Variants in SNX29 observed in about 807,000 individuals in gnomAD.
SNX29 encodes sorting nexin-29.
SNX29 carries 78 observed loss-of-function variants against 102.1 expected under a neutral mutation model. The observed-to-expected ratio is 0.76, with a 90% confidence interval of 0.64 to 0.92. SNX29 has a LOEUF of 0.92. Ranked by LOEUF, SNX29 falls within the 40% of genes least tolerant of loss-of-function variation. The pLI is 0.00. For missense variants in SNX29, 1,280 were observed against 1,061.7 expected (o/e 1.21, Z -2.86); for synonymous variants, 580 against 414.5 (o/e 1.40, Z -4.85).
intron 13 of SNX29, among the ~76,000 whole-genome samples, chr16:12,192,526 T>G (rs2076668629): frequency 6.6e-6 from 1 of 152,118 alleles, no homozygotes; most frequent in Non-Finnish European, 1.5e-5. Context: ...ATTTTTTTGT[T>G]TGTGAATTGC....
intron 18 of SNX29, among the ~76,000 whole-genome samples, chr16:12,448,645 C>T (rs576062579): frequency 2.3e-4 from 35 of 152,254 alleles, no homozygotes; most frequent in African/African-American, 8.2e-4. Context: ...CTCTTGCCCT[C>T]ATTGTTGGCT....
chr16:12,422,016 G>A (rs117750387), intron 18 of SNX29, among the ~76,000 whole-genome samples: 1 of 151,904 alleles, frequency 6.6e-6, no homozygotes, highest in Non-Finnish European at 1.5e-5. Flanking sequence ...CCCTTTCATC[G>A]TCAGCCATCC....
chr16:12,021,667 C>T (rs766472431), intron 3 of SNX29, among the ~76,000 whole-genome samples: 1 of 151,966 alleles, frequency 6.6e-6, no homozygotes, highest in Non-Finnish European at 1.5e-5. Context: ...GTAGGCGGAT[C>T]ACTTGAGGTC....
intron 18 of SNX29, among the ~76,000 whole-genome samples, chr16:12,434,092 T>C (rs2085427739): frequency 6.6e-6 from 1 of 152,206 alleles, no homozygotes; most frequent in African/African-American, 2.4e-5. Flanking sequence ...GGGTGGTGTT[T>C]ATTTCATGCC....
intron 4 of SNX29, among the ~76,000 whole-genome samples, chr16:12,036,277 T>C (rs1265871098): frequency 1.3e-5 from 2 of 151,532 alleles, no homozygotes; most frequent in African/African-American, 2.4e-5. Context: ...TTTTTAGAGA[T>C]GGGTTCTTAC....
chr16:12,406,918 GAAAGAAAATGA>G (rs898107265), intron 18 of SNX29, among the ~76,000 whole-genome samples: 1 of 152,142 alleles, frequency 6.6e-6, no homozygotes, highest in Non-Finnish European at 1.5e-5. Context: ...CAAAAAGAAA[GAAAGAAAATGA>G]AAGATTCGGC....
At chr16:12,399,315 G>T (rs1469597038) in intron 17 of SNX29, among the ~76,000 whole-genome samples, 3 of 152,178 alleles carry the variant, frequency 2.0e-5, no homozygotes, top group African/African-American at 4.8e-5. Flanking sequence ...GCCTCCCAAA[G>T]TGCTGGGATT....
intron 8 of SNX29, among the ~76,000 whole-genome samples, chr16:12,056,169 T>G (rs2050513542): frequency 6.6e-6 from 1 of 152,198 alleles, no homozygotes; most frequent in Non-Finnish European, 1.5e-5. Context: ...GGCATGAGCC[T>G]CTGCACCTGG....
intron 18 of SNX29, among the ~76,000 whole-genome samples, chr16:12,428,977 G>A (rs1017757707): frequency 2.7e-5 from 4 of 148,990 alleles, no homozygotes; most frequent in African/African-American, 5.0e-5. Context: ...ATACGATTGC[G>A]ATTAATAGTT....
intron 19 of SNX29, among the ~76,000 whole-genome samples, chr16:12,520,526 A>G (rs530983046): frequency 1.3e-5 from 2 of 152,326 alleles, no homozygotes; most frequent in Admixed American, 1.3e-4. Flanking sequence ...GGGCAGGGAA[A>G]TCTCTGAGAA....
intron 11 of SNX29, among the ~76,000 whole-genome samples, chr16:12,104,624 C>A (rs189468911): frequency 2.6e-4 from 40 of 151,436 alleles, no homozygotes; most frequent in African/African-American, 7.0e-4. Context: ...TTTTCTTTGA[C>A]CTTCAGGTTC....
chr16:12,160,328 C>G (rs1442981151), intron 13 of SNX29, among the ~76,000 whole-genome samples: 3 of 152,234 alleles, frequency 2.0e-5, no homozygotes, highest in Admixed American at 1.3e-4. Flanking sequence ...AGTTTAGATT[C>G]AGGATCTTTC....
intron 14 of SNX29, among the ~76,000 whole-genome samples, chr16:12,210,139 T>G (rs1372170610): frequency 6.6e-6 from 1 of 152,132 alleles, no homozygotes; most frequent in Non-Finnish European, 1.5e-5. Context: ...TCCCACTACG[T>G]CGGCTACTTT....
intron 19 of SNX29, among the ~76,000 whole-genome samples, chr16:12,502,431 C>T (rs1030632370): frequency 2.6e-5 from 4 of 152,128 alleles, no homozygotes; most frequent in Non-Finnish European, 5.9e-5. Flanking sequence ...TTCACAGCCG[C>T]CGGTGGTGGT....
chr16:12,563,978 G>C (rs1256539476), intron 20 of SNX29, among the ~76,000 whole-genome samples: 3 of 142,500 alleles, frequency 2.1e-5, no homozygotes, highest in Non-Finnish European at 4.5e-5. Context: ...TTCAGATAAG[G>C]TTCCCTCTGC....
At chr16:12,395,994 A>G (rs1453833644) in intron 16 of SNX29, among the ~76,000 whole-genome samples, 2 of 152,160 alleles carry the variant, frequency 1.3e-5, no homozygotes, top group East Asian at 1.9e-4. Flanking sequence ...AAGTTCCCAA[A>G]TTCTTTTTCG....
At chr16:12,282,661 G>C (rs2079472001) in intron 15 of SNX29, among the ~76,000 whole-genome samples, 1 of 152,034 alleles carries the variant, frequency 6.6e-6, no homozygotes, top group Non-Finnish European at 1.5e-5. Context: ...GTATTTTTTT[G>C]TTTTGTTTTT....
intron 9 of SNX29, 74 bp from the exon 10 acceptor site, chr16:12,068,983 C>A: frequency 7.1e-7 from 1 of 1,404,926 alleles, no homozygotes; most frequent in Admixed American, 1.8e-5. Context: ...CCAATGTCTG[C>A]ATTGTGTCTT....
chr16:12,328,550 T>A (rs1171002770), intron 15 of SNX29, among the ~76,000 whole-genome samples: 1 of 152,144 alleles, frequency 6.6e-6, no homozygotes, highest in East Asian at 1.9e-4. Context: ...ACATGAGTGA[T>A]ACCTGTGTGC....
Sources: gnomAD v4.1 joint callset for allele counts (sites outside exome capture counted in the v4.1 genomes callset) on GRCh38, gnomAD v4.1.1 for gene constraint, MANE v1.5 for transcripts, NCBI Gene and HGNC (gene_info 2026-07-23, HGNC 2026-07-21) for gene names.